The following CFAP46 variants were observed in gnomAD, a reference collection of about 807,000 sequenced individuals.
The protein encoded by CFAP46 is cilia- and flagella-associated protein 46.
A neutral mutation model predicts 325.7 loss-of-function variants in CFAP46; 245 were observed. The observed-to-expected ratio is 0.75, with a 90% CI of 0.68 to 0.84. CFAP46 has a LOEUF of 0.84. CFAP46 is among the 40% of genes least tolerant of loss of function. The pLI is 0.00. For synonymous variants in CFAP46, 1,523 were observed against 1,495.9 expected (o/e 1.02, Z -0.42); for missense variants, 3,346 against 3,543.0 (o/e 0.94, Z 1.41).
intron 33 of CFAP46, among the ~76,000 whole-genome samples, chr10:132,868,098 G>C (rs1848843885): frequency 2.0e-5 from 3 of 152,164 alleles, no homozygotes; most frequent in Non-Finnish European, 2.9e-5. Context: ...GGGCGTTTTC[G>C]TCCTCTGACC....
chr10:132,814,313 G>A (rs970105101), intron 53 of CFAP46, 59 bp from the exon 54 acceptor site: 3 of 1,425,570 alleles, frequency 2.1e-6, no homozygotes, highest in African/African-American at 1.4e-5. Context: ...GGGTGTGCAG[G>A]GCCGGGGTCC....
intron 7 of CFAP46, among the ~76,000 whole-genome samples, chr10:132,935,310 GATCTTCTCATTCCCCTCA>G (rs1849976464): frequency 7.7e-6 from 1 of 129,598 alleles, no homozygotes; most frequent in African/African-American, 3.1e-5. Flanking sequence ...AACACACTGC[GATCTTCTCATTCCCCTCA>G]GCACCCAAAC....
chr10:132,844,224 C>A (rs941866461), intron 44 of CFAP46, among the ~76,000 whole-genome samples: 7 of 151,980 alleles, frequency 4.6e-5, no homozygotes, highest in Admixed American at 1.3e-4. Flanking sequence ...TCCCAGGGTG[C>A]TGTGGGGCTC....
intron 43 of CFAP46, 109 bp downstream of exon 43, chr10:132,846,823 G>T: frequency 7.3e-7 from 1 of 1,362,140 alleles, no homozygotes; most frequent in Non-Finnish European, 9.8e-7. Flanking sequence ...CCTGGCCTGC[G>T]GCCTGCTTCT....
intron 50 of CFAP46, among the ~76,000 whole-genome samples, chr10:132,818,142 G>A (rs1847729315): frequency 6.6e-6 from 1 of 152,238 alleles, no homozygotes; most frequent in Non-Finnish European, 1.5e-5. Flanking sequence ...CGTTGCTGGA[G>A]CGTCTAGTTG....
Position 132,892,439 on chromosome 10 carries a change from A to C in CFAP46, c.3220-22T>G, listed in dbSNP as rs1441493359. 5 of 1,548,506 alleles carry C rather than the reference A, an allele frequency of 3.2e-6. No individual in the cohort carries two copies. In the South Asian group the frequency reaches 6.0e-5, roughly 18 times the overall value. On this transcript the variant is annotated intron_variant, in intron 24 of 57. Coordinates refer to ENST00000368586, the MANE Select transcript of CFAP46 (RefSeq NM_001200049.3). Reference sequence around the variant, plus strand: ...TCTCCTAAAGTAACGCAAGTAAACGACACGTATATTTGAAAGTTGCAAGAC... The same window carrying C: ...TCTCCTAAAGTAACGCAAGTAAACGCCACGTATATTTGAAAGTTGCAAGAC...
intron 47 of CFAP46, 141 bp from the exon 48 acceptor site, chr10:132,834,916 C>T (rs1257008537): frequency 8.8e-6 from 11 of 1,244,616 alleles, no homozygotes; most frequent in African/African-American, 3.0e-5. Context: ...GGCTCGGCAA[C>T]GAGGGCCCCA....
In CFAP46 at chr10:132,836,907, T is replaced by A; in HGVS notation, c.6446A>T (p.Gln2149Leu). ...QRLAAVSKAW[Q>L]NLCVTEQHFN... ...ATGCTGCTCAGTGACGCAGAGATTT[T>A]GCCAAGCCTGTGTGGCGAAAAACGG... The change falls in exon 45 of 58, where the codon CAA becomes CTA. Residue 2149 changes from glutamine to leucine, a missense_variant. Coordinates refer to ENST00000368586, the MANE Select transcript of CFAP46 (RefSeq NM_001200049.3). The A allele has an allele frequency of 6.2e-7, 1 of 1,613,814 alleles. No homozygotes were observed. The highest frequency in any genetic ancestry group is 2.2e-5 in the East Asian group (1 of 44,886).
intron 39 of CFAP46, among the ~76,000 whole-genome samples, chr10:132,856,052 G>A (rs1179211435): frequency 6.6e-6 from 1 of 152,210 alleles, no homozygotes; most frequent in African/African-American, 2.4e-5. Context: ...TCGAGTGTTT[G>A]GAGAAACATC....
At chr10:132,835,803 A>G (rs984366663) in intron 46 of CFAP46, among the ~76,000 whole-genome samples, 1 of 151,614 alleles carries the variant, frequency 6.6e-6, no homozygotes, top group Non-Finnish European at 1.5e-5. Context: ...GCCCGTGTGC[A>G]GGGAACCTGA....
intron 50 of CFAP46, among the ~76,000 whole-genome samples, chr10:132,824,880 TGCAGTGATGTGTGCTGTGTGA>T (rs1848007010): frequency 6.9e-6 from 1 of 144,710 alleles, no homozygotes; most frequent in African/African-American, 2.6e-5. Context: ...GTGCTGTGTG[TGCAGTGATGTGTGCTGTGTGA>T]GTGCTAATGT....
chr10:132,810,855 AC>A (rs1445813646), intron 56 of CFAP46, 94 bp downstream of exon 56: 3 of 1,186,894 alleles, frequency 2.5e-6, no homozygotes, highest in Admixed American at 2.0e-5. Flanking sequence ...TTGAAACCCG[AC>A]CCCAGGTCCC....
At chr10:132,931,964 C>T (rs1325874321) in intron 8 of CFAP46, among the ~76,000 whole-genome samples, 3 of 141,856 alleles carry the variant, frequency 2.1e-5, no homozygotes, top group Non-Finnish European at 4.6e-5. Flanking sequence ...AGAGGCTGGG[C>T]CTTCCTTGTC....
At chr10:132,844,410 C>G (rs979761595) in intron 44 of CFAP46, among the ~76,000 whole-genome samples, 1 of 152,188 alleles carries the variant, frequency 6.6e-6, no homozygotes, top group Admixed American at 6.5e-5. Flanking sequence ...AGCTAGTTCT[C>G]ATTGCTTCCA....
At chr10:132,833,033 C>T (rs560056393) in intron 50 of CFAP46, among the ~76,000 whole-genome samples, 8 of 150,956 alleles carry the variant, frequency 5.3e-5, no homozygotes, top group Non-Finnish European at 1.2e-4. Flanking sequence ...AGTGCAGTGG[C>T]GCCATCTCAG....
intron 35 of CFAP46, among the ~76,000 whole-genome samples, chr10:132,863,095 C>T (rs1405099027): frequency 6.6e-6 from 1 of 152,134 alleles, no homozygotes. Context: ...GCACCCATCA[C>T]GTCTGTCCTG....
In CFAP46 at chr10:132,834,738, G is replaced by T. The variant is rs749285933; in HGVS notation, c.6782C>A (p.Pro2261His). Residue 2261 changes from proline (P) to histidine (H), a missense_variant, in exon 48 of 58, where the codon CCT (proline) becomes CAT (histidine). Transcript: ENST00000368586. ...CAGGACGCTACTGAGCCTCTGCACAGGGCGCTCCTTCTCTTCCACCTGCAG... is the reference window on the plus strand; with the variant it reads ...CAGGACGCTACTGAGCCTCTGCACATGGCGCTCCTTCTCTTCCACCTGCAG... ...EGLQVEEKER[P>H]VQRLSSVLGP... is the part of the protein sequence containing the mutation. 1.2e-6 allele frequency: 2 copies of T among 1,612,932 alleles called. No homozygotes were observed. Among genetic ancestry groups the T allele is most frequent in the Middle Eastern group, 1.7e-4 (1 of 5,912 alleles).
chr10:132,824,460 CTGATGTGTGCTGTGTGTGCTG>C (rs1847988141), intron 50 of CFAP46, among the ~76,000 whole-genome samples: 1 of 92,766 alleles, frequency 1.1e-5, no homozygotes, highest in Non-Finnish European at 2.1e-5. Flanking sequence ...GTGCTGTGTG[CTGATGTGTGCTGTGTGTGCTG>C]TGTGCGCTGT....
Position 132,817,042 on chromosome 10 carries a change from G to C in CFAP46, c.7118-2128C>G, listed in dbSNP as rs1009064552. Reference sequence around the variant, plus strand: ...TTAAGCCAAGATTGTTAATTATGTCGCCCTGAATCTCTCTCTTTTTGCTCT... The same window carrying C: ...TTAAGCCAAGATTGTTAATTATGTCCCCCTGAATCTCTCTCTTTTTGCTCT... On this transcript the variant is annotated intron_variant, in intron 50 of 57. Transcript: ENST00000368586. This position sits in a 1 kb window ranked among gnomAD's most constrained non-coding sequence, Gnocchi z 4.4. 1.3e-5 allele frequency among the ~76,000 whole-genome samples: 2 copies of C among 152,250 alleles called. No homozygotes were observed. The highest frequency in any genetic ancestry group is 1.5e-5 in the Non-Finnish European group (1 of 68,034).
Sources: gnomAD v4.1 joint callset for allele counts (sites outside exome capture counted in the v4.1 genomes callset) on GRCh38, gnomAD v4.1.1 for gene constraint, Gnocchi (gnomAD v3.1) non-coding constraint, MANE v1.5 for transcripts, NCBI Gene and HGNC (gene_info 2026-07-23, HGNC 2026-07-21) for gene names.